CAB39: variants seen among roughly 807,000 people sequenced by gnomAD.
CAB39 encodes calcium-binding protein 39.
CAB39 carries 8 observed loss-of-function variants against 40.0 expected under a neutral mutation model. The observed-to-expected ratio is 0.20, with a 90% CI of 0.12 to 0.36. The LOEUF is 0.36. Among genes scored for constraint, CAB39 ranks in the 10% least tolerant of loss-of-function variants. The pLI is 1.00. For synonymous variants in CAB39, 156 were observed against 141.6 expected (o/e 1.10, Z -0.72); for missense variants, 270 against 401.1 (o/e 0.67, Z 2.79).
chr2:230,809,394 A>G (rs939964234), intron 5 of CAB39, among the ~76,000 whole-genome samples: 2 of 152,216 alleles, frequency 1.3e-5, no homozygotes, highest in East Asian at 1.9e-4. Flanking sequence ...GATTGGCGCT[A>G]TCTTCTTTAG....
At chr2:230,750,699 T>A (rs991215233) in intron 1 of CAB39, among the ~76,000 whole-genome samples, 3 of 152,228 alleles carry the variant, frequency 2.0e-5, no homozygotes, top group African/African-American at 7.2e-5. Context: ...AATCAAGACT[T>A]TAGATGTAGG....
intron 1 of CAB39, among the ~76,000 whole-genome samples, chr2:230,726,813 C>G (rs777401657): frequency 5.3e-5 from 8 of 151,676 alleles, no homozygotes; most frequent in Non-Finnish European, 7.4e-5. Flanking sequence ...CCCTTCCCTA[C>G]AGAAGCTGAA....
intron 1 of CAB39, among the ~76,000 whole-genome samples, chr2:230,734,049 A>G (rs556995156): frequency 1.3e-5 from 2 of 152,352 alleles, no homozygotes; most frequent in African/African-American, 4.8e-5. Context: ...CGCAGCCCGC[A>G]CTAGGCCAGT....
chr2:230,742,317 G>A (rs1300771629), intron 1 of CAB39, among the ~76,000 whole-genome samples: 1 of 152,104 alleles, frequency 6.6e-6, no homozygotes, highest in East Asian at 1.9e-4. Context: ...TGGGACTGCA[G>A]GCACCCGCCA....
At chr2:230,747,832 C>T (rs1359741388) in intron 1 of CAB39, among the ~76,000 whole-genome samples, 1 of 152,154 alleles carries the variant, frequency 6.6e-6, no homozygotes, top group Non-Finnish European at 1.5e-5. Context: ...TCATCTGTCC[C>T]CCACCTTGTT....
intron 1 of CAB39, among the ~76,000 whole-genome samples, chr2:230,721,961 C>T (rs1694461241): frequency 6.6e-6 from 1 of 151,892 alleles, no homozygotes; most frequent in Non-Finnish European, 1.5e-5. Flanking sequence ...ACTAGTATGG[C>T]ATTCAAAGCA....
intron 2 of CAB39, among the ~76,000 whole-genome samples, chr2:230,785,227 A>G (rs543172026): frequency 6.4e-4 from 97 of 152,310 alleles, no homozygotes; most frequent in Non-Finnish European, 1.1e-3. Flanking sequence ...AAGACACACA[A>G]TTGTATTTAA....
chr2:230,727,242 T>C (rs972719633), intron 1 of CAB39, among the ~76,000 whole-genome samples: 6 of 148,398 alleles, frequency 4.0e-5, no homozygotes, highest in Non-Finnish European at 4.5e-5. Flanking sequence ...TAAATATATA[T>C]AAATTGGAAG....
At chr2:230,729,322 A>T (rs889572624) in intron 1 of CAB39, among the ~76,000 whole-genome samples, 24 of 152,376 alleles carry the variant, frequency 1.6e-4, no homozygotes, top group South Asian at 1.0e-3. Flanking sequence ...CTGATGTTTG[A>T]TAATGTCTTG....
At chr2:230,816,612 A>G (rs1378234705) in intron 7 of CAB39, among the ~76,000 whole-genome samples, 1 of 152,264 alleles carries the variant, frequency 6.6e-6, no homozygotes, top group Non-Finnish European at 1.5e-5. Flanking sequence ...CCAGAAACCC[A>G]GAAAGGAAGC....
intron 6 of CAB39, among the ~76,000 whole-genome samples, chr2:230,812,353 G>A (rs1696320667): frequency 6.6e-6 from 1 of 152,180 alleles, no homozygotes; most frequent in African/African-American, 2.4e-5. Context: ...ACCCAGAAGT[G>A]GGTGGGAGGA....
In CAB39 at chr2:230,713,077, C is replaced by T. The variant is rs1694276432; in HGVS notation, c.-197C>T. ...GCGCAGCCGCCGCCGCCGCGGGAGCCCGTCGCCGGGAGCAGGAGCGGGCGG... is the reference window on the plus strand; with the variant it reads ...GCGCAGCCGCCGCCGCCGCGGGAGCTCGTCGCCGGGAGCAGGAGCGGGCGG... On this transcript the variant is annotated 5_prime_UTR_variant, in exon 1 of 9. Transcript: ENST00000258418. 1 of 151,504 alleles carries T rather than the reference C, an allele frequency of 6.6e-6. No individual in the cohort carries two copies. The highest frequency in any genetic ancestry group is 1.5e-5 in the Non-Finnish European group (1 of 67,876). The allele number at this position is 151,504 out of a possible 1,614,324, so 9.4% of individuals were successfully genotyped here.
At chr2:230,744,493 C>T (rs1298426379) in intron 1 of CAB39, among the ~76,000 whole-genome samples, 1 of 151,136 alleles carries the variant, frequency 6.6e-6, no homozygotes, top group African/African-American at 2.4e-5. Context: ...GGGGTTTCAC[C>T]GTGTTGGCCA....
At chr2:230,813,257 T>C (rs1192515883) in intron 6 of CAB39, among the ~76,000 whole-genome samples, 1 of 152,250 alleles carries the variant, frequency 6.6e-6, no homozygotes, top group Non-Finnish European at 1.5e-5. Context: ...ATTTCGGTTT[T>C]GTAACTCTGC....
At chr2:230,770,131 T>G (rs1298090065) in intron 2 of CAB39, among the ~76,000 whole-genome samples, 1 of 150,884 alleles carries the variant, frequency 6.6e-6, no homozygotes, top group East Asian at 1.9e-4. Context: ...CAAGAGCAAA[T>G]TAAATACAAA....
At chr2:230,757,505 CAGA>C (rs1223111477) in intron 1 of CAB39, among the ~76,000 whole-genome samples, 2 of 152,192 alleles carry the variant, frequency 1.3e-5, no homozygotes, top group Admixed American at 1.3e-4. Context: ...CTTGCCCACA[CAGA>C]AGTATTTTAT....
At chr2:230,817,159 GGTCA>G (rs1259940463) in intron 7 of CAB39, among the ~76,000 whole-genome samples, 2 of 152,104 alleles carry the variant, frequency 1.3e-5, no homozygotes, top group Non-Finnish European at 2.9e-5. Flanking sequence ...GATGGTGAGG[GGTCA>G]GTAAGAAAAC....
At chr2:230,812,608 A>G (rs1018726601) in intron 6 of CAB39, among the ~76,000 whole-genome samples, 13 of 152,268 alleles carry the variant, frequency 8.5e-5, no homozygotes, top group Non-Finnish European at 1.6e-4. Context: ...TGTTTTGATC[A>G]TCAGTTTGAT....
intron 2 of CAB39, among the ~76,000 whole-genome samples, chr2:230,789,416 G>A (rs542806321): frequency 5.9e-5 from 9 of 152,212 alleles, no homozygotes; most frequent in African/African-American, 9.6e-5. Context: ...CGTGTTTTCC[G>A]GTTTTGGTCC....
Sources: gnomAD v4.1 joint callset for allele counts (sites outside exome capture counted in the v4.1 genomes callset) on GRCh38, gnomAD v4.1.1 for gene constraint, MANE v1.5 for transcripts, NCBI Gene and HGNC (gene_info 2026-07-23, HGNC 2026-07-21) for gene names.